The following NIPBL variants were observed in gnomAD, a reference collection of about 807,000 sequenced individuals.
NIPBL encodes NIPBL cohesin loading factor.
Under a neutral mutation model 321.8 loss-of-function variants are expected in NIPBL, and 19 were observed. The ratio of observed to expected loss-of-function variants is 0.06; its 90% CI spans 0.04 to 0.09. The LOEUF (loss-of-function observed/expected upper bound fraction) is 0.09. Among genes scored for constraint, NIPBL ranks in the 10% least tolerant of loss-of-function variants. NIPBL has a pLI of 1.00. For missense variants in NIPBL, 2,210 were observed against 3,327.0 expected (o/e 0.66, Z 8.26); for synonymous variants, 1,106 against 1,114.1 (o/e 0.99, Z 0.14).
chr5:36,899,565 G>T lies in NIPBL; in HGVS notation c.-80+22387G>T, dbSNP rs192278747. On this transcript the variant is annotated intron_variant, in intron 1 of 46. Transcript: ENST00000282516. ...GCTTAAAGCATTCAGAACTTTGGCT[G>T]TTGTGCCCTTTCAAAAGTGAATTTT... 3.9e-5 allele frequency among the ~76,000 whole-genome samples: 6 copies of T among 152,298 alleles called. No homozygotes were observed. In the East Asian group the frequency reaches 1.2e-3, roughly 29 times the overall value.
At chr5:37,005,978 A>C (rs1284352437) in intron 16 of NIPBL, among the ~76,000 whole-genome samples, 1 of 152,176 alleles carries the variant, frequency 6.6e-6, no homozygotes, top group Non-Finnish European at 1.5e-5. Flanking sequence ...TTATCACAGC[A>C]GCAAGCAGAA....
At chr5:36,894,639 GT>G (rs1205668548) in intron 1 of NIPBL, among the ~76,000 whole-genome samples, 6 of 151,728 alleles carry the variant, frequency 4.0e-5, no homozygotes, top group African/African-American at 9.7e-5. Flanking sequence ...ATGATCTTAT[GT>G]TTTTTTCCCC....
intron 1 of NIPBL, among the ~76,000 whole-genome samples, chr5:36,877,960 C>T (rs1745220563): frequency 6.6e-6 from 1 of 152,114 alleles, no homozygotes; most frequent in Non-Finnish European, 1.5e-5. Flanking sequence ...GTATAAAGTA[C>T]TTGACAGGTT....
At chr5:37,039,182 G>A (rs970247509) in intron 34 of NIPBL, among the ~76,000 whole-genome samples, 5 of 151,690 alleles carry the variant, frequency 3.3e-5, no homozygotes, top group Admixed American at 3.3e-4. Flanking sequence ...AGTCAACCTC[G>A]GTCATTCTCC....
intron 32 of NIPBL, among the ~76,000 whole-genome samples, chr5:37,030,195 T>G (rs1750815012): frequency 6.6e-6 from 1 of 152,204 alleles, no homozygotes; most frequent in Non-Finnish European, 1.5e-5. Flanking sequence ...ACATTCTTTG[T>G]ATCTTTATTC....
At chr5:37,038,497 C>G in intron 33 of NIPBL, 105 bp from the exon 34 acceptor site, 1 of 957,324 alleles carries the variant, frequency 1.0e-6, no homozygotes, top group South Asian at 1.5e-5. Context: ...GAGGCCTATA[C>G]TGGACCTATT....
chr5:36,950,906 T>C (rs1020711407), intron 1 of NIPBL, among the ~76,000 whole-genome samples: 1 of 148,734 alleles, frequency 6.7e-6, no homozygotes, highest in East Asian at 2.0e-4. Context: ...TTCCACAGAT[T>C]ACTTACATTT....
At chr5:36,903,041 A>G (rs1323290863) in intron 1 of NIPBL, among the ~76,000 whole-genome samples, 2 of 151,894 alleles carry the variant, frequency 1.3e-5, no homozygotes, top group Admixed American at 6.6e-5. Context: ...TGTAAATGGG[A>G]TTACATTCTT....
intron 32 of NIPBL, among the ~76,000 whole-genome samples, chr5:37,034,860 G>T (rs565686459): frequency 6.6e-6 from 1 of 152,120 alleles, no homozygotes; most frequent in African/African-American, 2.4e-5. Context: ...AATTAGAAGG[G>T]CATATACGAG....
chr5:36,982,411 A>G (rs1744248618), intron 9 of NIPBL, among the ~76,000 whole-genome samples: 1 of 151,772 alleles, frequency 6.6e-6, no homozygotes, highest in African/African-American at 2.4e-5. Context: ...ATCAGAACAT[A>G]CATGCTCTTG....
At position 37,044,440 on chromosome 5, in the gene NIPBL, A is replaced by G. The variant is rs1270894276; in HGVS notation, c.6202A>G (p.Thr2068Ala). Residue 2068 changes from threonine to alanine, a missense_variant, in exon 35 of 47, where the codon ACT becomes GCT. By Grantham distance (58) the Thr-to-Ala change is moderately conservative. This residue lies in a region of NIPBL where 73 missense variants were observed against 222.3 expected (regional missense o/e 0.33). Transcript: ENST00000282516. ...MEHPSETFLATIEEDLMKLII... is the reference protein window; with the variant it reads ...MEHPSETFLAAIEEDLMKLII... ...GCATCCAAGTGAAACTTTTCTTGCC[A>G]CTATTGAGGAAGATCTAATGAAGCT... 1 of 1,614,044 alleles carries G rather than the reference A, an allele frequency of 6.2e-7. No individual in the cohort carries two copies. Among genetic ancestry groups the G allele is most frequent in the Non-Finnish European group, 8.5e-7 (1 of 1,179,918 alleles).
intron 1 of NIPBL, among the ~76,000 whole-genome samples, chr5:36,929,695 T>C (rs1208572520): frequency 6.6e-6 from 1 of 152,084 alleles, no homozygotes; most frequent in Non-Finnish European, 1.5e-5. Flanking sequence ...TTCCTTTAGA[T>C]GGTTTATAGT....
chr5:37,047,145 C>G (rs1254086984), intron 38 of NIPBL, among the ~76,000 whole-genome samples: 2 of 151,898 alleles, frequency 1.3e-5, no homozygotes, highest in Admixed American at 1.3e-4. Flanking sequence ...CAAATACTAC[C>G]CCATTTTATA....
At chr5:36,912,997 A>G (rs1189270753) in intron 1 of NIPBL, among the ~76,000 whole-genome samples, 1 of 152,184 alleles carries the variant, frequency 6.6e-6, no homozygotes, top group Non-Finnish European at 1.5e-5. Flanking sequence ...TTAAGTTTTC[A>G]ACAATGTGTG....
chr5:36,914,154 A>G (rs558756340), intron 1 of NIPBL, among the ~76,000 whole-genome samples: 87 of 152,346 alleles, frequency 5.7e-4, no homozygotes, highest in African/African-American at 2.1e-3. Flanking sequence ...ATGAAATGAC[A>G]CCCAGGTCAT....
chr5:36,932,246 CTTAAG>C (rs771487790), intron 1 of NIPBL, among the ~76,000 whole-genome samples: 3 of 152,130 alleles, frequency 2.0e-5, no homozygotes, highest in Non-Finnish European at 4.4e-5. Context: ...GTTCTGTAAA[CTTAAG>C]TTAGGTCATT....
chr5:37,050,113 G>C (rs977597977), intron 40 of NIPBL, among the ~76,000 whole-genome samples: 2 of 151,950 alleles, frequency 1.3e-5, no homozygotes, highest in Non-Finnish European at 1.5e-5. Flanking sequence ...TTAAACTACC[G>C]AGGGTTCTTT....
At chr5:36,879,527 G>T (rs1284724170) in intron 1 of NIPBL, among the ~76,000 whole-genome samples, 1 of 152,160 alleles carries the variant, frequency 6.6e-6, no homozygotes, top group African/African-American at 2.4e-5. Context: ...ATTTAAACTT[G>T]AACTTTAAAT....
Position 37,000,959 on chromosome 5 carries a change from GA to G in NIPBL, c.3575-28del, listed in dbSNP as rs780165848. ...CTTCACATGTCTACTTGTAATGTGA[GA>G]ATAATGAATATATTTTTCTCTCTTG... On this transcript the variant is annotated intron_variant, in intron 13 of 46. Coordinates refer to ENST00000282516, the MANE Select transcript of NIPBL (RefSeq NM_133433.4). 4 of 1,584,306 alleles carry G rather than the reference GA, an allele frequency of 2.5e-6. No homozygotes were observed. In the East Asian group the frequency reaches 9.0e-5, roughly 36 times the overall value.
Sources: allele counts gnomAD v4.1 joint callset (sites outside exome capture counted in the v4.1 genomes callset), GRCh38; gene constraint gnomAD v4.1.1; regional missense constraint gnomAD v4.1.1; transcripts MANE v1.5; gene names NCBI Gene and HGNC (gene_info 2026-07-23, HGNC 2026-07-21).